ZNF385D: variants seen among roughly 807,000 people sequenced by gnomAD.
ZNF385D encodes zinc finger protein 385D, also known as zinc finger protein 659.
In ZNF385D, 15 loss-of-function variants were observed where a neutral mutation model predicts 35.8. The ratio of observed to expected loss-of-function variants is 0.42; its 90% CI spans 0.28 to 0.64. The LOEUF (loss-of-function observed/expected upper bound fraction) is 0.64. Ranked by LOEUF, ZNF385D falls within the 30% of genes least tolerant of loss-of-function variation. ZNF385D has a pLI of 0.23. For synonymous variants in ZNF385D, 212 were observed against 186.8 expected, an observed-to-expected ratio of 1.13 and a Z score of -1.10; for missense variants, 474 against 494.6, an observed-to-expected ratio of 0.96 and a Z score of 0.39.
intron 3 of ZNF385D, among the ~76,000 whole-genome samples, chr3:21,770,022 C>T (rs2071007127): frequency 6.6e-6 from 1 of 152,238 alleles, no homozygotes; most frequent in South Asian, 2.1e-4. Context: ...GCTGGGAAAA[C>T]TGGCTTGCCA....
chr3:21,512,024 A>G (rs138483785), intron 3 of ZNF385D, among the ~76,000 whole-genome samples: 3,675 of 151,136 alleles, frequency 0.024, 103 homozygotes, highest in South Asian at 0.077. Context: ...GCACACACCT[A>G]TAGTCCCAGC....
At chr3:22,257,389 T>C (rs1416532772) in intron 2 of ZNF385D, among the ~76,000 whole-genome samples, 1 of 151,848 alleles carries the variant, frequency 6.6e-6, no homozygotes, top group Non-Finnish European at 1.5e-5. Context: ...TTTTTCATCA[T>C]CATACTGAAC....
intron 3 of ZNF385D, among the ~76,000 whole-genome samples, chr3:21,950,445 A>G (rs1702009495): frequency 6.6e-6 from 1 of 151,514 alleles, no homozygotes; most frequent in African/African-American, 2.4e-5. Context: ...TAGATTCTGG[A>G]TATTAGCCCT....
intron 2 of ZNF385D, among the ~76,000 whole-genome samples, chr3:22,343,814 G>C (rs1420929682): frequency 6.6e-6 from 1 of 151,646 alleles, no homozygotes; most frequent in African/African-American, 2.4e-5. Flanking sequence ...ATCACATTCA[G>C]TGCCCCTTGT....
At chr3:21,767,502 T>C (rs957344058) in intron 3 of ZNF385D, among the ~76,000 whole-genome samples, 4 of 152,100 alleles carry the variant, frequency 2.6e-5, no homozygotes, top group African/African-American at 4.8e-5. Flanking sequence ...ATTGACTCCA[T>C]ACTTGCCAGT....
At chr3:22,274,020 G>A (rs1701305937) in intron 2 of ZNF385D, among the ~76,000 whole-genome samples, 1 of 151,960 alleles carries the variant, frequency 6.6e-6, no homozygotes, top group African/African-American at 2.4e-5. Context: ...TCAAAGAAGA[G>A]TTTTAGTAAG....
At position 21,883,835 on chromosome 3, in the gene ZNF385D, T is replaced by C. The variant is rs760676158; in HGVS notation, c.326-218807A>G. Among the ~76,000 whole-genome samples, 5 of 152,068 alleles carry C rather than the reference T, an allele frequency of 3.3e-5. No individual in the cohort carries two copies. In the East Asian group the frequency reaches 9.6e-4, roughly 29 times the overall value. On this transcript the variant is annotated intron_variant, in intron 3 of 5. Transcript: ENST00000494108. Reference sequence around the variant, plus strand: ...TCATGGAAGTTCTTTCAGCAGCTAATGTAGACTGAACTACATATCAGAACA... The same window carrying C: ...TCATGGAAGTTCTTTCAGCAGCTAACGTAGACTGAACTACATATCAGAACA...
intron 2 of ZNF385D, among the ~76,000 whole-genome samples, chr3:22,184,077 A>G (rs1442540692): frequency 6.6e-6 from 1 of 152,160 alleles, no homozygotes; most frequent in Non-Finnish European, 1.5e-5. Flanking sequence ...CTGATCATTA[A>G]TTTACTTACA....
At position 21,662,143 on chromosome 3, in the gene ZNF385D, A is replaced by T. The variant is rs559184341; in HGVS notation, c.165+2743T>A. Among the ~76,000 whole-genome samples the T allele has an allele frequency of 1.8e-4, 27 of 152,208 alleles. No homozygotes were observed. In the South Asian group the frequency reaches 3.1e-3, roughly 18 times the overall value. ...TGTTGGGTGGCAGAGTTCATCACTT[A>T]TCATCAAAGAAGGGATAGCTGTATT... On this transcript the variant is annotated intron_variant, in intron 2 of 7. Transcript: ENST00000281523.
chr3:21,563,081 C>T lies in ZNF385D; in HGVS notation c.276+1493G>A, dbSNP rs528857518. ...AAATTCATATGTTGAGATTCTGACC[C>T]CCAAGTTGATGGTAGTAGCAGGTGG... On this transcript the variant is annotated intron_variant, in intron 3 of 7. Coordinates refer to ENST00000281523, the MANE Select transcript of ZNF385D (RefSeq NM_024697.3). Among the ~76,000 whole-genome samples, 164 of 143,376 alleles carry T rather than the reference C, an allele frequency of 1.1e-3. 1 individual carries two copies. The highest frequency in any genetic ancestry group is 4.7e-3 in the African/African-American group (157 of 33,222). The allele number at this position is 143,376 out of a possible 152,430, so 94.1% of individuals were successfully genotyped here.
At chr3:22,161,088 C>T (rs1176709671) in intron 3 of ZNF385D, among the ~76,000 whole-genome samples, 2 of 151,950 alleles carry the variant, frequency 1.3e-5, no homozygotes, top group Admixed American at 6.6e-5. Context: ...AATGTTAAAG[C>T]TTTTCCATTA....
intron 3 of ZNF385D, among the ~76,000 whole-genome samples, chr3:21,790,135 T>C (rs1455634367): frequency 1.3e-5 from 2 of 151,942 alleles, no homozygotes; most frequent in African/African-American, 4.8e-5. Flanking sequence ...TGGGAGGACA[T>C]GTATTAAACT....
intron 3 of ZNF385D, among the ~76,000 whole-genome samples, chr3:21,955,146 CTT>C (rs759574740): frequency 3.9e-5 from 6 of 152,030 alleles, no homozygotes; most frequent in Non-Finnish European, 8.8e-5. Flanking sequence ...AGGAAAAAAA[CTT>C]TATAAAATTT....
At chr3:22,121,895 A>G (rs1703107223) in intron 3 of ZNF385D, among the ~76,000 whole-genome samples, 2 of 152,006 alleles carry the variant, frequency 1.3e-5, no homozygotes, top group Non-Finnish European at 2.9e-5. Flanking sequence ...GTATGTTAGT[A>G]TCTATGTGTC....
intron 5 of ZNF385D, among the ~76,000 whole-genome samples, chr3:21,433,511 C>G (rs992316981): frequency 6.6e-6 from 1 of 152,138 alleles, no homozygotes; most frequent in Non-Finnish European, 1.5e-5. Context: ...CACTGGCTTT[C>G]TAATATCTGG....
intron 3 of ZNF385D, among the ~76,000 whole-genome samples, chr3:21,914,033 G>C (rs1700084541): frequency 6.6e-6 from 1 of 152,004 alleles, no homozygotes; most frequent in Non-Finnish European, 1.5e-5. Flanking sequence ...GCAGCTGTTA[G>C]GCATTTAGTT....
chr3:22,283,482 T>C (rs181017038), intron 2 of ZNF385D, among the ~76,000 whole-genome samples: 2 of 152,264 alleles, frequency 1.3e-5, no homozygotes, highest in South Asian at 2.1e-4. Context: ...CAAGAATCAG[T>C]GTCCTAATCT....
chr3:22,371,568 G>C (rs1252056105), intron 2 of ZNF385D, among the ~76,000 whole-genome samples: 1 of 152,178 alleles, frequency 6.6e-6, no homozygotes, highest in Non-Finnish European at 1.5e-5. Flanking sequence ...GATTGTAAGG[G>C]GGACAGATCT....
chr3:22,371,504 G>C (rs1005578970), intron 2 of ZNF385D, among the ~76,000 whole-genome samples: 1 of 152,060 alleles, frequency 6.6e-6, no homozygotes, highest in Non-Finnish European at 1.5e-5. Flanking sequence ...AGACCAGCTC[G>C]GGCTAAAGCA....
Sources: gnomAD v4.1 joint callset for allele counts (sites outside exome capture counted in the v4.1 genomes callset) on GRCh38, gnomAD v4.1.1 for gene constraint, MANE v1.5 for transcripts, NCBI Gene and HGNC (gene_info 2026-07-23, HGNC 2026-07-21) for gene names.